PAM: variants seen among roughly 807,000 people sequenced by gnomAD.
PAM encodes peptidylglycine alpha-amidating monooxygenase.
Under a neutral mutation model 122.1 loss-of-function variants are expected in PAM, and 72 were observed. That is an observed-to-expected ratio of 0.59 (90% confidence interval 0.49 to 0.72). The LOEUF (loss-of-function observed/expected upper bound fraction) is 0.72. Among genes scored for constraint, PAM ranks in the 30% least tolerant of loss-of-function variants. The pLI is 0.00. For synonymous variants in PAM, 389 were observed against 404.4 expected (o/e 0.96, Z 0.46); for missense variants, 1,106 against 1,183.7 (o/e 0.93, Z 0.96).
intron 1 of PAM, among the ~76,000 whole-genome samples, chr5:102,793,790 C>T (rs1561463283): frequency 6.6e-6 from 1 of 151,994 alleles, no homozygotes; most frequent in African/African-American, 2.4e-5. Flanking sequence ...TTTATATACA[C>T]AATTAATTTA....
Position 102,925,212 on chromosome 5 carries a change from G to A in PAM, c.442+170G>A, listed in dbSNP as rs183448635. Among the ~76,000 whole-genome samples the A allele has an allele frequency of 5.1e-3, 770 of 152,298 alleles. 5 individuals carry two copies. The highest frequency in any genetic ancestry group is 0.018 in the African/African-American group (731 of 41,550). ...GTATTGAAAAGGTTTCATTTAGGTA[G>A]TTACTCTTTTTCTGCCTCTCTTTGG... On this transcript the variant is annotated intron_variant, in intron 6 of 25. Coordinates refer to ENST00000438793, the MANE Select transcript of PAM (RefSeq NM_001177306.2).
At chr5:102,798,265 T>C (rs1045624598) in intron 1 of PAM, among the ~76,000 whole-genome samples, 8 of 152,204 alleles carry the variant, frequency 5.3e-5, no homozygotes, top group African/African-American at 1.9e-4. Flanking sequence ...ACAATCACAA[T>C]GTAAAGAGTT....
intron 14 of PAM, among the ~76,000 whole-genome samples, chr5:102,965,162 G>GACACACACACACACACAC (rs66633444): frequency 4.3e-5 from 6 of 138,814 alleles, no homozygotes; most frequent in African/African-American, 1.3e-4. Flanking sequence ...TTCCAAAGCA[G>GACACACACACACACACAC]ACACACACAC....
At chr5:103,023,270 C>T (rs1409239269) in intron 23 of PAM, among the ~76,000 whole-genome samples, 1 of 151,994 alleles carries the variant, frequency 6.6e-6, no homozygotes, top group South Asian at 2.1e-4. Context: ...ACCTAGTATA[C>T]CCATTGTATA....
intron 3 of PAM, among the ~76,000 whole-genome samples, chr5:102,896,460 A>G (rs2151335942): frequency 6.6e-6 from 1 of 151,840 alleles, no homozygotes; most frequent in South Asian, 2.1e-4. Flanking sequence ...AAAGAAGTAG[A>G]TAAGTGCAAA....
chr5:102,894,007 A>C lies in PAM; in HGVS notation c.211-7349A>C, dbSNP rs144088825. On this transcript the variant is annotated intron_variant, in intron 3 of 25. Transcript: ENST00000438793. ...TCTTTCCTGTTTCTCAATCTGCCCT[A>C]GTCCCTGTGATCATCACCAAAGGAA... 4.5e-3 allele frequency among the ~76,000 whole-genome samples: 680 copies of C among 151,646 alleles called. 5 individuals are homozygous for C. Among genetic ancestry groups the C allele is most frequent in the Admixed American group, 0.015 (227 of 15,182 alleles).
intron 1 of PAM, among the ~76,000 whole-genome samples, chr5:102,860,364 G>A (rs1783840849): frequency 6.6e-6 from 1 of 152,190 alleles, no homozygotes; most frequent in Non-Finnish European, 1.5e-5. Context: ...GCAGGGCTTT[G>A]AGCCCAGGTG....
intron 7 of PAM, among the ~76,000 whole-genome samples, chr5:102,929,812 C>T (rs1002172313): frequency 9.9e-5 from 15 of 151,992 alleles, no homozygotes; most frequent in South Asian, 8.3e-4. Flanking sequence ...GCTTTGAATG[C>T]GGCCCAACAC....
chr5:102,950,630 G>C, intron 11 of PAM, 87 bp from the exon 12 acceptor site: 1 of 790,130 alleles, frequency 1.3e-6, no homozygotes, highest in Middle Eastern at 2.4e-4. Context: ...AAGGGGTAAA[G>C]GAGGAACATA....
intron 1 of PAM, among the ~76,000 whole-genome samples, chr5:102,832,672 A>C (rs1775810941): frequency 1.3e-5 from 2 of 152,154 alleles, no homozygotes; most frequent in Non-Finnish European, 2.9e-5. Flanking sequence ...TCAGAAAAGC[A>C]GGGACTGCTG....
At chr5:102,947,631 C>G (rs1181154490) in intron 8 of PAM, among the ~76,000 whole-genome samples, 2 of 151,974 alleles carry the variant, frequency 1.3e-5, no homozygotes, top group Non-Finnish European at 2.9e-5. Flanking sequence ...CACTAAAGAA[C>G]TTAGGTAACC....
At chr5:102,857,460 C>A (rs1782945128) in intron 1 of PAM, among the ~76,000 whole-genome samples, 1 of 152,126 alleles carries the variant, frequency 6.6e-6, no homozygotes, top group Non-Finnish European at 1.5e-5. Context: ...GCAGGCCAAA[C>A]CAAATCTTCT....
At chr5:102,756,713 GTGTT>G (rs1346468693) in intron 1 of PAM, among the ~76,000 whole-genome samples, 1 of 152,168 alleles carries the variant, frequency 6.6e-6, no homozygotes, top group African/African-American at 2.4e-5. Context: ...GCAGTGAACT[GTGTT>G]TATACCACTG....
chr5:102,990,883 A>G (rs1256206659), intron 16 of PAM, among the ~76,000 whole-genome samples: 2 of 152,222 alleles, frequency 1.3e-5, no homozygotes, highest in Non-Finnish European at 2.9e-5. Flanking sequence ...TTTGGCCACT[A>G]CATGTGAAGA....
intron 16 of PAM, among the ~76,000 whole-genome samples, chr5:102,994,884 T>C (rs1406336107): frequency 6.6e-6 from 1 of 152,178 alleles, no homozygotes; most frequent in East Asian, 1.9e-4. Context: ...TCATAGATGA[T>C]GTTTATAAAA....
At chr5:102,871,670 G>A (rs922730053) in intron 3 of PAM, among the ~76,000 whole-genome samples, 4 of 146,224 alleles carry the variant, frequency 2.7e-5, no homozygotes, top group Admixed American at 6.8e-5. Flanking sequence ...AACTCTCATC[G>A]GTTTGAAACC....
At position 102,901,406 on chromosome 5, in the gene PAM, C is replaced by T. The variant is rs1797835730; in HGVS notation, c.261C>T (p.Ala87=). 5 of 1,561,482 alleles carry T rather than the reference C, an allele frequency of 3.2e-6. No individual in the cohort carries two copies. Among genetic ancestry groups the T allele is most frequent in the Non-Finnish European group, 4.4e-6 (5 of 1,133,750 alleles). ...TGCGAATACCAGTGGATGAGGAAGC[C>T]TTCGTGAGTAAGTATTAATTGGATT... is the stretch of plus-strand genomic sequence containing the variant. ...MSMRIPVDEE[A]FVIDFKPRAS... Residue 87 remains alanine (A), a synonymous_variant, in exon 4 of 26, where the codon GCC becomes GCT. Coordinates refer to ENST00000438793, the MANE Select transcript of PAM (RefSeq NM_001177306.2).
At chr5:102,902,445 C>A (rs974425256) in intron 4 of PAM, among the ~76,000 whole-genome samples, 1 of 151,468 alleles carries the variant, frequency 6.6e-6, no homozygotes, top group Non-Finnish European at 1.5e-5. Flanking sequence ...GAATGAAAGA[C>A]CATACAAAGT....
intron 1 of PAM, among the ~76,000 whole-genome samples, chr5:102,810,176 G>A (rs469192): frequency 0.68 from 102,933 of 151,838 alleles, 35,088 homozygotes; most frequent in South Asian, 0.8. Context: ...TCAATAACTA[G>A]CTCTTTGTAG....
Sources: allele counts gnomAD v4.1 joint callset (sites outside exome capture counted in the v4.1 genomes callset), GRCh38; gene constraint gnomAD v4.1.1; transcripts MANE v1.5; gene names NCBI Gene and HGNC (gene_info 2026-07-23, HGNC 2026-07-21).